The following FSTL4 variants were observed in gnomAD, a reference collection of about 807,000 sequenced individuals.
FSTL4 encodes the protein follistatin-related protein 4.
Under a neutral mutation model 78.2 loss-of-function variants are expected in FSTL4, and 28 were observed. The ratio of observed to expected loss-of-function variants is 0.36; its 90% CI spans 0.27 to 0.49. FSTL4 has a LOEUF of 0.49. Among genes scored for constraint, FSTL4 ranks in the 20% least tolerant of loss-of-function variants. The pLI is 0.98. For synonymous variants in FSTL4, 422 were observed against 440.5 expected (o/e 0.96, Z 0.53); for missense variants, 922 against 1,084.9 (o/e 0.85, Z 2.11).
intron 3 of FSTL4, among the ~76,000 whole-genome samples, chr5:133,534,529 T>G (rs1467376887): frequency 1.3e-5 from 2 of 152,220 alleles, no homozygotes; most frequent in African/African-American, 4.8e-5. Flanking sequence ...CTGCCCTCCA[T>G]GTGCCCATGA....
At chr5:133,261,966 T>C (rs1752535607) in intron 6 of FSTL4, among the ~76,000 whole-genome samples, 3 of 149,604 alleles carry the variant, frequency 2.0e-5, no homozygotes, top group Admixed American at 2.0e-4. Flanking sequence ...GACTCCAACC[T>C]GGGCAACAGC....
Position 133,259,752 on chromosome 5 carries a change from G to A in FSTL4, c.728-10176C>T, listed in dbSNP as rs552237528. ...CAGTAGTTCAGGAGAGAGACAGGTGGTGACTGTGGAGATGAAGAGGAAGGG... is the reference window on the plus strand; with the variant it reads ...CAGTAGTTCAGGAGAGAGACAGGTGATGACTGTGGAGATGAAGAGGAAGGG... On this transcript the variant is annotated intron_variant, in intron 6 of 15. Transcript: ENST00000265342. 3.5e-4 allele frequency among the ~76,000 whole-genome samples: 54 copies of A among 152,162 alleles called. No homozygotes were observed. In the Middle Eastern group the frequency reaches 0.01, roughly 29 times the overall value.
chr5:133,520,955 G>T (rs1426934258), intron 3 of FSTL4, among the ~76,000 whole-genome samples: 3 of 152,174 alleles, frequency 2.0e-5, no homozygotes, highest in Non-Finnish European at 2.9e-5. Flanking sequence ...GAAGCACCAT[G>T]TAAGGAAAGA....
At chr5:133,249,318 C>A in intron 7 of FSTL4, 92 bp downstream of exon 7, 1 of 1,000,948 alleles carries the variant, frequency 1.0e-6, no homozygotes, top group Non-Finnish European at 1.6e-6. Flanking sequence ...TAAACTAAAA[C>A]TCTCCCGTCC....
At chr5:133,367,573 C>A (rs1329238385) in intron 4 of FSTL4, among the ~76,000 whole-genome samples, 3 of 152,214 alleles carry the variant, frequency 2.0e-5, no homozygotes, top group African/African-American at 7.2e-5. Context: ...CAAATTTCTG[C>A]TTTCGCTCCA....
chr5:133,538,081 A>G (rs1181982449), intron 3 of FSTL4, among the ~76,000 whole-genome samples: 1 of 151,258 alleles, frequency 6.6e-6, no homozygotes, highest in African/African-American at 2.4e-5. Flanking sequence ...GTCCATATTC[A>G]ATTTTTGTCA....
chr5:133,740,427 C>G, the FSTL4 span, among the ~76,000 whole-genome samples: 1 of 152,192 alleles, frequency 6.6e-6, no homozygotes. Context: ...AACCCATACC[C>G]CCAGCCTGGC....
intron 6 of FSTL4, among the ~76,000 whole-genome samples, chr5:133,262,047 A>G (rs1752539251): frequency 1.3e-5 from 2 of 152,106 alleles, no homozygotes; most frequent in Admixed American, 6.5e-5. Context: ...AAAATACCCA[A>G]TTATAAATGG....
Position 133,198,995 on chromosome 5 carries a change from G to T in FSTL4, c.*100C>A. The T allele has an allele frequency of 1.5e-6, 1 of 687,514 alleles. No homozygotes were observed. The allele number at this position is 687,514 out of a possible 1,614,324, so 42.6% of individuals were successfully genotyped here. A position where few individuals can be genotyped will look rare whatever the true frequency, so the allele number is the denominator to read the frequency against. On this transcript the variant is annotated 3_prime_UTR_variant, in exon 16 of 16. Coordinates refer to ENST00000265342, the MANE Select transcript of FSTL4 (RefSeq NM_015082.2). Reference sequence around the variant, plus strand: ...GTGTTGAACCACAAAGCGAGTACAGGTTTTTGCTTTTGTCTGTAAAAATGT... The same window carrying T: ...GTGTTGAACCACAAAGCGAGTACAGTTTTTTGCTTTTGTCTGTAAAAATGT...
the FSTL4 span, among the ~76,000 whole-genome samples, chr5:133,674,641 C>T: frequency 0.082 from 12,380 of 151,260 alleles, 587 homozygotes; most frequent in South Asian, 0.12. Flanking sequence ...TAATAAAAAC[C>T]GAACCGATGC....
chr5:133,600,748 AAAGG>A (rs1264865654), intron 2 of FSTL4, among the ~76,000 whole-genome samples: 1 of 152,244 alleles, frequency 6.6e-6, no homozygotes, highest in African/African-American at 2.4e-5. Context: ...TAATAACTTT[AAAGG>A]TAAATCAAAT....
intron 6 of FSTL4, among the ~76,000 whole-genome samples, chr5:133,295,157 T>C (rs1896633): frequency 0.67 from 101,425 of 151,996 alleles, 34,260 homozygotes; most frequent in Non-Finnish European, 0.73. Flanking sequence ...ATCTCTTCCC[T>C]TATCCTCACG....
At chr5:133,747,686 A>C in the FSTL4 span, among the ~76,000 whole-genome samples, 1 of 152,146 alleles carries the variant, frequency 6.6e-6, no homozygotes, top group Non-Finnish European at 1.5e-5. Flanking sequence ...ATCTGGGTTA[A>C]TTTTCTTTTT....
chr5:133,391,215 T>C (rs1455615242), intron 4 of FSTL4, among the ~76,000 whole-genome samples: 1 of 152,214 alleles, frequency 6.6e-6, no homozygotes, highest in Non-Finnish European at 1.5e-5. Flanking sequence ...CATGGTGTCA[T>C]TTAGCGGCTG....
intron 14 of FSTL4, among the ~76,000 whole-genome samples, chr5:133,205,828 GTAC>G (rs1750480254): frequency 6.6e-6 from 1 of 152,052 alleles, no homozygotes; most frequent in Non-Finnish European, 1.5e-5. Context: ...ACAAATCCTT[GTAC>G]TACTAAGGGT....
chr5:133,419,524 C>T (rs1756649052), intron 3 of FSTL4, among the ~76,000 whole-genome samples: 1 of 152,192 alleles, frequency 6.6e-6, no homozygotes, highest in Admixed American at 6.5e-5. Flanking sequence ...TAATATTTTA[C>T]AATTTCGAAT....
At chr5:133,601,013 A>C (rs1021786150) in intron 2 of FSTL4, among the ~76,000 whole-genome samples, 1 of 152,216 alleles carries the variant, frequency 6.6e-6, no homozygotes, top group Non-Finnish European at 1.5e-5. Flanking sequence ...CTACAGTTCA[A>C]ATAATAAACT....
chr5:133,263,415 G>T (rs1454544268), intron 6 of FSTL4, among the ~76,000 whole-genome samples: 1 of 152,134 alleles, frequency 6.6e-6, no homozygotes, highest in East Asian at 1.9e-4. Context: ...ATGTTTAAAG[G>T]CGAGAGGATG....
chr5:133,630,285 C>G, the FSTL4 span, among the ~76,000 whole-genome samples: 1 of 152,262 alleles, frequency 6.6e-6, no homozygotes, highest in Non-Finnish European at 1.5e-5. Context: ...AGCTGATAAG[C>G]AACTTCAGCA....
Sources: allele counts gnomAD v4.1 joint callset (sites outside exome capture counted in the v4.1 genomes callset), GRCh38; gene constraint gnomAD v4.1.1; transcripts MANE v1.5; gene names NCBI Gene and HGNC (gene_info 2026-07-23, HGNC 2026-07-21).